The following PCLO variants were observed in gnomAD, a reference collection of about 807,000 sequenced individuals.
The protein encoded by PCLO is piccolo presynaptic cytomatrix protein, also known as protein piccolo.
Under a neutral mutation model 427.5 loss-of-function variants are expected in PCLO, and 82 were observed. The observed-to-expected ratio is 0.19, with a 90% CI of 0.16 to 0.23. The LOEUF is 0.23. Among genes scored for constraint, PCLO ranks in the 10% least tolerant of loss-of-function variants. The probability of loss-of-function intolerance (pLI) is 1.00; values close to 1 mark genes in which losing one functional copy is unlikely to be tolerated. For synonymous variants in PCLO, 2,357 were observed against 2,155.4 expected (o/e 1.09, Z -2.59); for missense variants, 6,239 against 6,115.9 (o/e 1.02, Z -0.67).
intron 4 of PCLO, among the ~76,000 whole-genome samples, chr7:82,964,837 G>T (rs191945544): frequency 4.5e-4 from 69 of 152,288 alleles, no homozygotes; most frequent in African/African-American, 1.5e-3. Flanking sequence ...TGATGCATCA[G>T]ATAGCAGAGA....
chr7:82,757,721 A>G lies in PCLO; in HGVS notation c.*854T>C, dbSNP rs1790348140. On this transcript the variant is annotated 3_prime_UTR_variant, in exon 25 of 25. Transcript: ENST00000333891. ...GTTTACTCTAGGTCCTTTGGTACAT[A>G]GACTGAAGATGTCTTGGCTTAATGG... The G allele has an allele frequency of 6.6e-6, 1 of 151,992 alleles. No individual in the cohort carries two copies. The highest frequency in any genetic ancestry group is 2.1e-4 in the South Asian group (1 of 4,832). The allele number at this position is 151,992 out of a possible 1,614,324, so 9.4% of individuals were successfully genotyped here.
rs1418412640 is a variant in PCLO at position 82,893,062 on chromosome 7, C to T, written c.13528+9589G>A. On this transcript the variant is annotated intron_variant, in intron 9 of 24. Transcript: ENST00000333891. ...TGGAAATACCATTTGACCCAGCCAT[C>T]CCATTACTGGGTATATACCCAAAGG... Among the ~76,000 whole-genome samples the T allele has an allele frequency of 6.6e-5, 10 of 152,218 alleles. No homozygotes were observed. The South Asian group carries it at 2.1e-3, about 32-fold the overall frequency.
chr7:82,858,393 C>T (rs559990974), intron 10 of PCLO, among the ~76,000 whole-genome samples: 2 of 152,192 alleles, frequency 1.3e-5, no homozygotes, highest in East Asian at 3.9e-4. Context: ...AAGTTTTTCT[C>T]TAAGATGTTG....
chr7:82,917,259 C>A (rs73171386), intron 6 of PCLO, among the ~76,000 whole-genome samples: 167 of 152,160 alleles, frequency 1.1e-3, no homozygotes, highest in Middle Eastern at 0.01. Context: ...CTTTTGCCCC[C>A]TGGAGTGGCT....
In PCLO at chr7:82,915,842, T is replaced by C. The variant is rs769795798; in HGVS notation, c.12144A>G (p.Leu4048=). The C allele has an allele frequency of 1.2e-6, 2 of 1,613,546 alleles. No individual in the cohort carries two copies. Among genetic ancestry groups the C allele is most frequent in the South Asian group, 2.2e-5 (2 of 91,084 alleles). Residue 4048 remains leucine, a synonymous_variant, in exon 7 of 25, where the codon CTA becomes CTG. Transcript: ENST00000333891. ...IDHHTPRNYV[L]IDDIGEITKG... ...TGGTGATCTCTCCAATGTCGTCAATTAGGACATAATTTCGTGGAGTATGGT... is the reference window on the plus strand; with the variant it reads ...TGGTGATCTCTCCAATGTCGTCAATCAGGACATAATTTCGTGGAGTATGGT...
chr7:82,762,952 C>T (rs867886295), intron 22 of PCLO, among the ~76,000 whole-genome samples: 2 of 151,802 alleles, frequency 1.3e-5, no homozygotes, highest in Non-Finnish European at 2.9e-5. Flanking sequence ...CTTCTTTTTT[C>T]CTTTTAGAGA....
rs1450438102 is a variant in PCLO at position 83,162,609 on chromosome 7, G to A, written c.-17C>T. 6 of 1,520,368 alleles carry A rather than the reference G, an allele frequency of 3.9e-6. No individual in the cohort carries two copies. Among genetic ancestry groups the A allele is most frequent in the East Asian group, 2.5e-5 (1 of 40,626 alleles). The allele number at this position is 1,520,368 out of a possible 1,614,324, so 94.2% of individuals were successfully genotyped here. A position where few individuals can be genotyped will look rare whatever the true frequency, so the allele number is the denominator to read the frequency against. ...GTTGCCCATGGCTCAGGGAGACTCG[G>A]GGCCGCCGCGCTCCCTCCTCGCGCC... On this transcript the variant is annotated 5_prime_UTR_variant, in exon 1 of 25. Transcript: ENST00000333891.
At chr7:83,069,944 T>C (rs1789770470) in intron 3 of PCLO, among the ~76,000 whole-genome samples, 1 of 152,094 alleles carries the variant, frequency 6.6e-6, no homozygotes, top group Admixed American at 6.5e-5. Context: ...TCTTTGATAC[T>C]TCTTCCCTCA....
At chr7:82,926,532 T>G (rs2116320889) in intron 6 of PCLO, among the ~76,000 whole-genome samples, 1 of 152,292 alleles carries the variant, frequency 6.6e-6, no homozygotes, top group Admixed American at 6.5e-5. Flanking sequence ...AGTCTAGTAA[T>G]ACATAAAAAA....
intron 16 of PCLO, among the ~76,000 whole-genome samples, chr7:82,833,226 G>A (rs1459947327): frequency 1.3e-5 from 2 of 152,178 alleles, no homozygotes; most frequent in Non-Finnish European, 2.9e-5. Context: ...GTTGTTTAGA[G>A]AAAGGTCCAG....
At chr7:82,886,856 G>A (rs961206917) in intron 9 of PCLO, among the ~76,000 whole-genome samples, 3 of 152,084 alleles carry the variant, frequency 2.0e-5, no homozygotes, top group African/African-American at 7.2e-5. Context: ...CAAAAAGTGA[G>A]CTGCTTTTAT....
At chr7:82,765,757 T>C (rs377621566) in intron 22 of PCLO, among the ~76,000 whole-genome samples, 338 of 152,130 alleles carry the variant, frequency 2.2e-3, no homozygotes, top group Non-Finnish European at 4.0e-3. Context: ...TTTTAAATAA[T>C]CATAAACAAG....
At chr7:82,990,654 A>G (rs1418048722) in intron 3 of PCLO, among the ~76,000 whole-genome samples, 2 of 152,168 alleles carry the variant, frequency 1.3e-5, no homozygotes, top group Non-Finnish European at 2.9e-5. Flanking sequence ...TCTACCATGT[A>G]TTTAACAAAA....
intron 3 of PCLO, among the ~76,000 whole-genome samples, chr7:83,132,627 T>C (rs1791602588): frequency 6.6e-6 from 1 of 152,126 alleles, no homozygotes; most frequent in Non-Finnish European, 1.5e-5. Context: ...TATGTATGCA[T>C]ATCCATACAC....
At chr7:82,839,902 A>AAAT (rs374069195) in intron 14 of PCLO, among the ~76,000 whole-genome samples, 53 of 152,032 alleles carry the variant, frequency 3.5e-4, no homozygotes, top group African/African-American at 1.1e-3. Context: ...TGCTAAAATA[A>AAAT]AATAATAATA....
chr7:82,793,619 G>T (rs1012198402), intron 22 of PCLO, among the ~76,000 whole-genome samples: 7 of 152,028 alleles, frequency 4.6e-5, no homozygotes, highest in Non-Finnish European at 1.5e-5. Context: ...CAAAATACAT[G>T]GGAATCAAAT....
intron 22 of PCLO, among the ~76,000 whole-genome samples, chr7:82,793,528 G>A (rs1309531071): frequency 2.0e-5 from 3 of 152,142 alleles, no homozygotes; most frequent in African/African-American, 7.2e-5. Context: ...GGCCCTGGAA[G>A]TATTGAATTA....
intron 9 of PCLO, among the ~76,000 whole-genome samples, chr7:82,897,420 T>C (rs1004574056): frequency 2.0e-5 from 3 of 151,580 alleles, no homozygotes; most frequent in African/African-American, 7.2e-5. Flanking sequence ...ATTACAGGTC[T>C]GTGTTTCTCT....
At chr7:83,033,122 A>T (rs2116157197) in intron 3 of PCLO, among the ~76,000 whole-genome samples, 1 of 152,190 alleles carries the variant, frequency 6.6e-6, no homozygotes, top group Non-Finnish European at 1.5e-5. Context: ...TCAGATTATA[A>T]GTTTCCTGAG....
Sources: allele counts gnomAD v4.1 joint callset (sites outside exome capture counted in the v4.1 genomes callset), GRCh38; gene constraint gnomAD v4.1.1; transcripts MANE v1.5; gene names NCBI Gene and HGNC (gene_info 2026-07-23, HGNC 2026-07-21).